EDNRB: variants seen among roughly 807,000 people sequenced by gnomAD.
EDNRB encodes endothelin receptor type B, also known as Hirschsprung disease 2.
In EDNRB, 18 loss-of-function variants were observed where a neutral mutation model predicts 46.4. The ratio of observed to expected loss-of-function variants is 0.39; its 90% CI spans 0.27 to 0.57. The LOEUF (loss-of-function observed/expected upper bound fraction) is 0.57, where lower values mean the gene tolerates loss of function less well. Among genes scored for constraint, EDNRB ranks in the 20% least tolerant of loss-of-function variants. EDNRB has a pLI of 0.61. For synonymous variants in EDNRB, 213 were observed against 204.9 expected (o/e 1.04, Z -0.34); for missense variants, 434 against 537.5 (o/e 0.81, Z 1.90).
At chr13:77,936,362 G>A (rs1179322704) in intron 1 of EDNRB, among the ~76,000 whole-genome samples, 1 of 152,192 alleles carries the variant, frequency 6.6e-6, no homozygotes, top group Admixed American at 6.5e-5. Flanking sequence ...TATTGTCTAA[G>A]TTGGCACCAG....
intron 6 of EDNRB, chr13:77,899,627 A>G: frequency 2.1e-6 from 1 of 467,442 alleles, no homozygotes. Context: ...CAATTCCATG[A>G]GTGTAACTGA....
intron 1 of EDNRB, among the ~76,000 whole-genome samples, chr13:77,962,608 A>G (rs139533499): frequency 6.6e-6 from 1 of 152,208 alleles, no homozygotes. Context: ...TTAGGTATTG[A>G]TGGGACATAT....
At chr13:77,955,889 CTATCTATT>C (rs1881224405) in intron 1 of EDNRB, among the ~76,000 whole-genome samples, 1 of 148,296 alleles carries the variant, frequency 6.7e-6, no homozygotes, top group South Asian at 2.2e-4. Flanking sequence ...ATCTATCTAT[CTATCTATT>C]TTTATGCCAG....
At chr13:77,930,386 C>T (rs191864950) in intron 1 of EDNRB, among the ~76,000 whole-genome samples, 75 of 152,308 alleles carry the variant, frequency 4.9e-4, no homozygotes, top group Non-Finnish European at 9.3e-4. Flanking sequence ...TCCCAAGAAG[C>T]TACTTTCAGA....
At chr13:77,955,879 A>G (rs1375961588) in intron 1 of EDNRB, among the ~76,000 whole-genome samples, 1 of 151,402 alleles carries the variant, frequency 6.6e-6, no homozygotes, top group Non-Finnish European at 1.5e-5. Flanking sequence ...CTATCTATCT[A>G]TCTATCTATC....
intron 1 of EDNRB, among the ~76,000 whole-genome samples, chr13:77,950,763 A>G (rs1169079884): frequency 1.3e-5 from 2 of 152,168 alleles, no homozygotes; most frequent in Admixed American, 1.3e-4. Context: ...TGTTTTTACA[A>G]ATAATAACAA....
intron 1 of EDNRB, among the ~76,000 whole-genome samples, chr13:77,932,424 T>C (rs1469890078): frequency 6.6e-6 from 1 of 152,252 alleles, no homozygotes; most frequent in Non-Finnish European, 1.5e-5. Context: ...TCTATTGAGA[T>C]CTCAATGATG....
In EDNRB at chr13:77,934,738, G is replaced by T. The variant is rs536097320; in HGVS notation, c.-51-16114C>A. Reference sequence around the variant, plus strand: ...AGCAGAATAGCAGATGGAACACTGAGAAGTTATTTCCTTGAGATAGATTTC... The same window carrying T: ...AGCAGAATAGCAGATGGAACACTGATAAGTTATTTCCTTGAGATAGATTTC... On this transcript the variant is annotated intron_variant, in intron 1 of 7. Transcript: ENST00000646948. Among the ~76,000 whole-genome samples the T allele has an allele frequency of 5.9e-5, 9 of 151,832 alleles. No individual in the cohort carries two copies. In the South Asian group the frequency reaches 6.3e-4, roughly 11 times the overall value.
intron 1 of EDNRB, among the ~76,000 whole-genome samples, chr13:77,916,017 T>C (rs1879790846): frequency 6.6e-6 from 1 of 152,194 alleles, no homozygotes; most frequent in Non-Finnish European, 1.5e-5. Context: ...ATAAGATGGT[T>C]CTGGAAGAGC....
At position 77,935,944 on chromosome 13, in the gene EDNRB, T is replaced by A. The variant is rs2137658998; in HGVS notation, c.-51-17320A>T. On this transcript the variant is annotated intron_variant, in intron 1 of 7. Coordinates refer to the EDNRB transcript ENST00000646948. ...CAGATCCTGAACTAACCTGTAAGGC[T>A]TGTCTGGTTTTAGGACAGGTAAAAT... Among the ~76,000 whole-genome samples, 2 of 152,346 alleles carry A rather than the reference T, an allele frequency of 1.3e-5. 1 individual carries two copies. Among genetic ancestry groups the A allele is most frequent in the East Asian group, 3.9e-4 (2 of 5,192 alleles).
chr13:77,961,006 T>C (rs1195692922), intron 1 of EDNRB, among the ~76,000 whole-genome samples: 1 of 152,108 alleles, frequency 6.6e-6, no homozygotes, highest in South Asian at 2.1e-4. Flanking sequence ...GTCCTAAATA[T>C]ATATGCACCC....
In EDNRB at chr13:77,961,260, G is replaced by A. The variant is rs144949062; in HGVS notation, c.-52+14087C>T. Among the ~76,000 whole-genome samples, 1,120 of 151,960 alleles carry A rather than the reference G, an allele frequency of 7.4e-3. 5 individuals are homozygous for A. The highest frequency in any genetic ancestry group is 9.5e-3 in the Non-Finnish European group (644 of 67,948). Reference sequence around the variant, plus strand: ...TATACTCTCTTCTCAGCACCACGTCGCACTTATTCCAAACTTATTAGGTCT... The same window carrying A: ...TATACTCTCTTCTCAGCACCACGTCACACTTATTCCAAACTTATTAGGTCT... On this transcript the variant is annotated intron_variant, in intron 1 of 7. Transcript: ENST00000646948.
rs1878722726 is a variant in EDNRB at position 77,898,018 on chromosome 13, T to C, written c.*182A>G. The C allele has an allele frequency of 7.2e-7, 1 of 1,392,226 alleles. No homozygotes were observed. The highest frequency in any genetic ancestry group is 1.6e-5 in the South Asian group (1 of 63,702). The allele number at this position is 1,392,226 out of a possible 1,614,324, so 86.2% of individuals were successfully genotyped here. On this transcript the variant is annotated 3_prime_UTR_variant, in exon 7 of 7. Transcript: ENST00000646607. ...TTAATTCCCACTGATTTTCTTTCCA[T>C]GCCGTAAACAGCTCATAAAATGTCA...
chr13:77,896,397 C>A lies in EDNRB; in HGVS notation c.*1803G>T. On this transcript the variant is annotated 3_prime_UTR_variant, in exon 7 of 7. Coordinates refer to ENST00000646607, the MANE Select transcript of EDNRB (RefSeq NM_001122659.3). ...AAGTGATTGGGATGAAATTAAAGAACAAGTTTGTGGGTGATTTATAAATAG... is the reference window on the plus strand; with the variant it reads ...AAGTGATTGGGATGAAATTAAAGAAAAAGTTTGTGGGTGATTTATAAATAG... The A allele has an allele frequency of 6.6e-7, 1 of 1,516,210 alleles. No homozygotes were observed. The highest frequency in any genetic ancestry group is 8.8e-7 in the Non-Finnish European group (1 of 1,134,718). 93.9% of individuals were successfully genotyped at this position (1,516,210 alleles called of 1,614,324 possible).
intron 1 of EDNRB, among the ~76,000 whole-genome samples, chr13:77,956,840 A>G (rs918835318): frequency 1.3e-5 from 2 of 152,202 alleles, no homozygotes; most frequent in East Asian, 1.9e-4. Context: ...CCACATCACT[A>G]TGACATTGTC....
chr13:77,959,791 A>G (rs1881351840), intron 1 of EDNRB, among the ~76,000 whole-genome samples: 1 of 152,258 alleles, frequency 6.6e-6, no homozygotes, highest in Non-Finnish European at 1.5e-5. Flanking sequence ...AAACCTTGAA[A>G]AAAGATTAGA....
At position 77,918,034 on chromosome 13, in the gene EDNRB, G is replaced by A. The variant is rs911322089; in HGVS notation, c.483+57C>T. ...CCTCTACAAGCTTTCTCATCTCCCC[G>A]TCTCCAACCAGGCCCCCTTCCTCAA... On this transcript the variant is annotated intron_variant, in intron 1 of 6. Transcript: ENST00000646607. This position sits in a 1 kb window ranked among gnomAD's most constrained non-coding sequence, Gnocchi z 4.5. 6 of 1,612,298 alleles carry A rather than the reference G, an allele frequency of 3.7e-6. No individual in the cohort carries two copies. The highest frequency in any genetic ancestry group is 2.0e-4 in the Middle Eastern group (1 of 4,932).
intron 1 of EDNRB, among the ~76,000 whole-genome samples, chr13:77,913,317 C>G (rs1879664937): frequency 6.6e-6 from 1 of 152,120 alleles, no homozygotes; most frequent in Admixed American, 6.6e-5. Flanking sequence ...CCTTTCAGAA[C>G]TATGAATGCA....
At chr13:77,966,590 G>T (rs1280594518) in intron 1 of EDNRB, among the ~76,000 whole-genome samples, 2 of 152,124 alleles carry the variant, frequency 1.3e-5, no homozygotes, top group Non-Finnish European at 2.9e-5. Context: ...AAACTCTTAA[G>T]CTATGAAATA....
Sources: gnomAD v4.1 joint callset for allele counts (sites outside exome capture counted in the v4.1 genomes callset) on GRCh38, gnomAD v4.1.1 for gene constraint, Gnocchi (gnomAD v3.1) non-coding constraint, MANE v1.5 for transcripts, NCBI Gene and HGNC (gene_info 2026-07-23, HGNC 2026-07-21) for gene names.